Variants in BBS9 observed in about 807,000 individuals in gnomAD.
BBS9 encodes the protein protein PTHB1.
Under a neutral mutation model 117.7 loss-of-function variants are expected in BBS9, and 89 were observed. That is an observed-to-expected ratio of 0.76 (90% CI 0.64 to 0.90). The LOEUF (loss-of-function observed/expected upper bound fraction) is 0.90, where lower values mean the gene tolerates loss of function less well. BBS9 is among the 40% of genes least tolerant of loss of function. BBS9 has a pLI of 0.00. For synonymous variants in BBS9, 379 were observed against 370.9 expected (o/e 1.02, Z -0.25); for missense variants, 982 against 1,042.2 (o/e 0.94, Z 0.80).
intron 5 of BBS9, among the ~76,000 whole-genome samples, chr7:33,191,648 C>T (rs1315874222): frequency 6.6e-6 from 1 of 152,134 alleles, no homozygotes; most frequent in Non-Finnish European, 1.5e-5. Context: ...CATTCTGGTA[C>T]AGTGTGTGGG....
intron 4 of BBS9, among the ~76,000 whole-genome samples, chr7:33,175,099 T>G (rs1377066432): frequency 6.6e-6 from 1 of 152,024 alleles, no homozygotes; most frequent in Admixed American, 6.5e-5. Context: ...AGGTCAGGAG[T>G]TTGAGACCAG....
intron 19 of BBS9, among the ~76,000 whole-genome samples, chr7:33,412,961 G>T (rs1326618761): frequency 6.6e-6 from 1 of 152,138 alleles, no homozygotes; most frequent in Non-Finnish European, 1.5e-5. Context: ...AATTTTGAAA[G>T]CTGTTGACTA....
chr7:33,256,192 A>G (rs1797045562), intron 5 of BBS9, among the ~76,000 whole-genome samples: 1 of 152,048 alleles, frequency 6.6e-6, no homozygotes, highest in African/African-American at 2.4e-5. Context: ...AAAAACCAAA[A>G]CAACAAAAAC....
chr7:33,348,587 A>G (rs1584438840), intron 12 of BBS9, among the ~76,000 whole-genome samples: 1 of 152,144 alleles, frequency 6.6e-6, no homozygotes, highest in East Asian at 1.9e-4. Flanking sequence ...TTGGTATAGA[A>G]TTGTGAAGTT....
At position 33,439,331 on chromosome 7, in the gene BBS9, C is replaced by G. The variant is rs572103681; in HGVS notation, c.2115+51187C>G. Among the ~76,000 whole-genome samples the G allele has an allele frequency of 2.0e-5, 3 of 152,212 alleles. No homozygotes were observed. The South Asian group carries it at 6.2e-4, about 32-fold the overall frequency. ...AGCTCTTACTACTTTTTGCATGTAT[C>G]AAATGGATTTCTCTGAGTTTTAAAG... is the stretch of plus-strand genomic sequence containing the variant. On this transcript the variant is annotated intron_variant, in intron 19 of 22. Coordinates refer to ENST00000242067, the MANE Select transcript of BBS9 (RefSeq NM_198428.3).
chr7:33,207,898 C>T (rs925789207), intron 5 of BBS9, among the ~76,000 whole-genome samples: 2 of 152,054 alleles, frequency 1.3e-5, no homozygotes, highest in African/African-American at 4.8e-5. Context: ...ACCTCTACCT[C>T]CTGGGTTCAA....
At chr7:33,138,547 G>C (rs906009279) in intron 1 of BBS9, among the ~76,000 whole-genome samples, 1 of 145,966 alleles carries the variant, frequency 6.9e-6, no homozygotes, top group Admixed American at 6.9e-5. Context: ...GAGTAGCAAG[G>C]GACCAAACTC....
At chr7:33,230,148 G>A (rs1792070097) in intron 5 of BBS9, among the ~76,000 whole-genome samples, 1 of 152,066 alleles carries the variant, frequency 6.6e-6, no homozygotes, top group South Asian at 2.1e-4. Context: ...ATAAATTTTG[G>A]ATATTCACTC....
chr7:33,299,129 T>A (rs931488951), intron 9 of BBS9, among the ~76,000 whole-genome samples: 3 of 152,224 alleles, frequency 2.0e-5, no homozygotes, highest in Admixed American at 2.0e-4. Flanking sequence ...AATCTAGCTA[T>A]CATGCTTCAG....
intron 19 of BBS9, among the ~76,000 whole-genome samples, chr7:33,428,437 C>A (rs1307724573): frequency 1.3e-5 from 2 of 152,156 alleles, no homozygotes; most frequent in African/African-American, 4.8e-5. Context: ...TTTTCTCACA[C>A]CTCAGTGTTT....
intron 21 of BBS9, among the ~76,000 whole-genome samples, chr7:33,535,046 C>A (rs1254577663): frequency 6.6e-6 from 1 of 152,148 alleles, no homozygotes; most frequent in South Asian, 2.1e-4. Context: ...TTCCCCCTCA[C>A]TCAGCATTCC....
At chr7:33,437,380 G>C (rs913693440) in intron 19 of BBS9, among the ~76,000 whole-genome samples, 4 of 152,126 alleles carry the variant, frequency 2.6e-5, no homozygotes, top group African/African-American at 9.7e-5. Context: ...GCTATATCAG[G>C]TTAACTCCAG....
intron 21 of BBS9, among the ~76,000 whole-genome samples, chr7:33,568,219 C>T (rs1185189514): frequency 4.6e-5 from 7 of 152,114 alleles, no homozygotes; most frequent in African/African-American, 1.7e-4. Context: ...GGATTTTTCT[C>T]TTTAAAAATG....
chr7:33,272,008 A>T (rs1379071755), intron 7 of BBS9, among the ~76,000 whole-genome samples: 1 of 152,206 alleles, frequency 6.6e-6, no homozygotes, highest in East Asian at 1.9e-4. Context: ...CATCAAAGGT[A>T]GACTGGATAA....
chr7:33,324,026 C>T lies in BBS9; in HGVS notation c.1017-12415C>T, dbSNP rs182761588. ...CTAATTTTTGTATTTTTAGTAGAGA[C>T]GGAGTTTCACCATGTTGGCCAGGCT... is the stretch of plus-strand genomic sequence containing the variant. On this transcript the variant is annotated intron_variant, in intron 9 of 22. Coordinates refer to ENST00000242067, the MANE Select transcript of BBS9 (RefSeq NM_198428.3). 2.6e-3 allele frequency among the ~76,000 whole-genome samples: 390 copies of T among 151,766 alleles called. 3 individuals carry two copies. The highest frequency in any genetic ancestry group is 2.3e-3 in the South Asian group (11 of 4,788).
intron 20 of BBS9, among the ~76,000 whole-genome samples, chr7:33,524,567 T>A (rs529343946): frequency 1.3e-5 from 2 of 152,326 alleles, no homozygotes; most frequent in South Asian, 4.1e-4. Context: ...CTGATGGTAG[T>A]TTGCATTTCT....
At chr7:33,405,028 G>T (rs932575672) in intron 19 of BBS9, among the ~76,000 whole-genome samples, 1 of 152,056 alleles carries the variant, frequency 6.6e-6, no homozygotes, top group African/African-American at 2.4e-5. Context: ...CATCAATACC[G>T]AACTTATTGA....
At chr7:33,237,843 ACAAT>A (rs1793786655) in intron 5 of BBS9, among the ~76,000 whole-genome samples, 2 of 152,310 alleles carry the variant, frequency 1.3e-5, no homozygotes, top group Admixed American at 6.5e-5. Context: ...TACTCTTGTG[ACAAT>A]CAAGATCAGT....
intron 5 of BBS9, among the ~76,000 whole-genome samples, chr7:33,200,043 T>C (rs533918043): frequency 6.6e-6 from 1 of 152,028 alleles, no homozygotes; most frequent in East Asian, 1.9e-4. Flanking sequence ...TCACTCCTTA[T>C]CTCTAGATTG....
Sources: allele counts gnomAD v4.1 joint callset (sites outside exome capture counted in the v4.1 genomes callset), GRCh38; gene constraint gnomAD v4.1.1; transcripts MANE v1.5; gene names NCBI Gene and HGNC (gene_info 2026-07-23, HGNC 2026-07-21).